LPA: variants seen among roughly 807,000 people sequenced by gnomAD.
LPA encodes lipoprotein(a).
In LPA, 199 loss-of-function variants were observed where a neutral mutation model predicts 197.9. That is an observed-to-expected ratio of 1.01 (90% CI 0.90 to 1.13). The LOEUF is 1.13. LPA is among the 50% of genes most tolerant of loss of function. LPA has a pLI of 0.00. For synonymous variants in LPA, 715 were observed against 639.5 expected (o/e 1.12, Z -1.78); for missense variants, 1,853 against 1,785.8 (o/e 1.04, Z -0.68).
intron 1 of LPA, among the ~76,000 whole-genome samples, chr6:160,663,815 G>A (rs1464807407): frequency 3.3e-5 from 5 of 152,166 alleles, no homozygotes; most frequent in African/African-American, 1.2e-4. Context: ...GAACAGAGAT[G>A]ATATAAATTA....
rs375355500 is a variant in LPA, at chr6:160,599,500, G to A, written c.3287C>T (p.Ala1096Val). 72 of 1,613,452 alleles carry A rather than the reference G, an allele frequency of 4.5e-5. No homozygotes were observed. The African/African-American group carries it at 7.6e-4, about 17-fold the overall frequency. ...HSRTPENYPN[A>V]GLTRNYCRNP... Reference sequence around the variant, plus strand: ...CTTATGGTAAAGAACAAAGACGTACGCATTTGGGTAGTTTTCTGGGGTCCG... The same window carrying A: ...CTTATGGTAAAGAACAAAGACGTACACATTTGGGTAGTTTTCTGGGGTCCG... Residue 1096 changes from alanine (A) to valine (V), a missense_variant and splice_region_variant, in exon 20 of 39, where the codon GCT (alanine) becomes GTT (valine). This residue lies in a region of LPA where 1,737 missense variants were observed against 1,504.4 expected (regional missense o/e 1.15). Coordinates refer to ENST00000316300, the MANE Select transcript of LPA (RefSeq NM_005577.4).
At chr6:160,576,486 G>C (rs1324803962) in intron 28 of LPA, among the ~76,000 whole-genome samples, 1 of 137,758 alleles carries the variant, frequency 7.3e-6, no homozygotes, top group Non-Finnish European at 1.6e-5. Context: ...TTACATACCT[G>C]AATATTTATA....
intron 30 of LPA, 121 bp downstream of exon 30, chr6:160,555,904 T>C (rs1778254827): frequency 9.5e-7 from 1 of 1,057,800 alleles, no homozygotes; most frequent in African/African-American, 1.6e-5. Flanking sequence ...TGTCTGGACA[T>C]TTTGACACAC....
At chr6:160,592,625 G>T (rs1779050939) in intron 22 of LPA, among the ~76,000 whole-genome samples, 2 of 152,206 alleles carry the variant, frequency 1.3e-5, no homozygotes, top group South Asian at 2.1e-4. Context: ...GCACTCTGGG[G>T]ATGTCATATA....
chr6:160,606,596 C>G lies in LPA; in HGVS notation c.2666G>C (p.Arg889Thr), dbSNP rs765666237. The change falls in exon 17 of 39, where the codon AGG (arginine) becomes ACG (threonine). Residue 889 changes from arginine to threonine, a missense_variant. By Grantham distance (71) the Arg-to-Thr change is moderately conservative. Coordinates refer to ENST00000316300, the MANE Select transcript of LPA (RefSeq NM_005577.4). ...GTACTCCCACCTGACACTGGGATCCCTCGTATAACAATAAGGGGCTGCCAC... is the reference window on the plus strand; with the variant it reads ...GTACTCCCACCTGACACTGGGATCCGTCGTATAACAATAAGGGGCTGCCAC... The part of the protein sequence containing the change: ...DPVAAPYCYT[R>T]DPSVRWEYCN... 2.5e-6 allele frequency: 4 copies of G among 1,613,908 alleles called. No homozygotes were observed. The South Asian group carries it at 3.3e-5, about 13-fold the overall frequency.
chr6:160,600,816 A>T, intron 19 of LPA, 101 bp downstream of exon 19: 1 of 1,340,794 alleles, frequency 7.5e-7, no homozygotes, highest in South Asian at 1.2e-5. Context: ...GAACCAACAC[A>T]CGAGAACCAG....
rs535939764 is a variant in LPA, at chr6:160,635,145, G to C, written c.1053C>G (p.Ser351Arg). 9.4e-6 allele frequency: 14 copies of C among 1,484,894 alleles called. 2 individuals carry two copies. In the African/African-American group the frequency reaches 1.1e-4, roughly 12 times the overall value. The allele number at this position is 1,484,894 out of a possible 1,614,324, so 92.0% of individuals were successfully genotyped here. The change falls in exon 7 of 39, where the codon AGC becomes AGG. Residue 351 changes from serine (S) to arginine (R), a missense_variant. Transcript: ENST00000316300. The part of the protein sequence containing the change: ...VAPPTVTPVP[S>R]LEAPSEQAPT... ...TACCTTGTTCGGAAGGAGCCTCTAG[G>C]CTTGGAACCGGGGTAACAGTCGGAG...
At chr6:160,609,779 G>C (rs190381259) in intron 16 of LPA, among the ~76,000 whole-genome samples, 2 of 151,986 alleles carry the variant, frequency 1.3e-5, no homozygotes, top group East Asian at 1.9e-4. Context: ...GTGTGTTTGT[G>C]TGTGTGTTAG....
chr6:160,660,675 C>A (rs562234395), intron 1 of LPA, among the ~76,000 whole-genome samples: 17 of 152,194 alleles, frequency 1.1e-4, no homozygotes, highest in African/African-American at 4.1e-4. Context: ...TGAATGGTCC[C>A]TCCTTTAGTT....
chr6:160,607,797 C>T (rs1472739529), intron 16 of LPA, among the ~76,000 whole-genome samples: 11 of 152,246 alleles, frequency 7.2e-5, no homozygotes, highest in Admixed American at 1.3e-4. Flanking sequence ...AGCCCAAACT[C>T]GTGACAAATT....
rs1455460373 is a variant in LPA at position 160,546,474 on chromosome 6, A to G, written c.5305-941T>C. ...TTAATATCTTTTATAATAAATGGGTAAATAAAAGTAACGTGTTTCCCTGAG... is the reference window on the plus strand; with the variant it reads ...TTAATATCTTTTATAATAAATGGGTGAATAAAAGTAACGTGTTTCCCTGAG... On this transcript the variant is annotated intron_variant, in intron 32 of 38. Transcript: ENST00000316300. 2.6e-5 allele frequency among the ~76,000 whole-genome samples: 4 copies of G among 152,156 alleles called. No individual in the cohort carries two copies. In the South Asian group the frequency reaches 6.2e-4, roughly 24 times the overall value.
chr6:160,605,355 G>T, intron 17 of LPA, 150 bp from the exon 18 acceptor site: 1 of 998,024 alleles, frequency 1.0e-6, no homozygotes, highest in Non-Finnish European at 1.5e-6. Context: ...TTATTTGTAG[G>T]CAGATGGACT....
rs1017778052 is a variant in LPA at position 160,557,671 on chromosome 6, C to A, written c.4632-100G>T. 1.4e-5 allele frequency: 14 copies of A among 1,021,568 alleles called. No homozygotes were observed. The African/African-American group carries it at 2.1e-4, about 15-fold the overall frequency. 63.3% of individuals were successfully genotyped at this position (1,021,568 alleles called of 1,614,324 possible). A position where few individuals can be genotyped will look rare whatever the true frequency, so the allele number is the denominator to read the frequency against. On this transcript the variant is annotated intron_variant, in intron 28 of 38. Transcript: ENST00000316300. ...GTTATAACAAAGTGTTAAAAAGTGA[C>A]GTTGTAATATTCCCATTTTAGGTAC...
At chr6:160,547,998 C>T (rs1214657723) in intron 31 of LPA, 61 bp from the exon 32 acceptor site, 1 of 1,550,030 alleles carries the variant, frequency 6.5e-7, no homozygotes, top group African/African-American at 1.4e-5. Flanking sequence ...CACATAGACC[C>T]AGGACGATAC....
At chr6:160,652,223 C>T (rs185270366) in intron 1 of LPA, among the ~76,000 whole-genome samples, 1 of 151,024 alleles carries the variant, frequency 6.6e-6, no homozygotes, top group East Asian at 1.9e-4. Context: ...AAACCTCAAG[C>T]AGAATAAATA....
chr6:160,594,726 C>T (rs1163677193), intron 21 of LPA, among the ~76,000 whole-genome samples: 1 of 152,188 alleles, frequency 6.6e-6, no homozygotes, highest in Non-Finnish European at 1.5e-5. Context: ...TACTCTTCTT[C>T]TCAGAGACCA....
chr6:160,601,274 A>G (rs1779237897), intron 18 of LPA, among the ~76,000 whole-genome samples, 176 bp from the exon 19 acceptor site: 1 of 152,194 alleles, frequency 6.6e-6, no homozygotes, highest in Admixed American at 6.5e-5. Flanking sequence ...CACATTTCTC[A>G]TACTTAATAT....
rs1253374545 is a variant in LPA at position 160,591,026 on chromosome 6, G to A, written c.3705C>T (p.Val1235=). ...GTGTCAGGTTGCAGTACTCCCATCT[G>A]ACATTGGGATCCATGGTATAACACC... ...SPWCYTMDPN[V]RWEYCNLTQC... is the part of the protein sequence containing the mutation. The change falls in exon 23 of 39, where the codon GTC becomes GTT. Residue 1235 remains valine, a synonymous_variant. Transcript: ENST00000316300. 1.2e-6 allele frequency: 2 copies of A among 1,613,970 alleles called. No homozygotes were observed. Among genetic ancestry groups the A allele is most frequent in the East Asian group, 4.5e-5 (2 of 44,832 alleles).
Position 160,557,587 on chromosome 6 carries a change from C to G in LPA, c.4632-16G>C. ...GGTCAGGCCACTGCAAATTCCAAAA[C>G]AACACAGGTCACAAGAGGCGGGAAA... On this transcript the variant is annotated splice_polypyrimidine_tract_variant and intron_variant, in intron 28 of 38. Coordinates refer to ENST00000316300, the MANE Select transcript of LPA (RefSeq NM_005577.4). 1.2e-6 allele frequency: 2 copies of G among 1,613,742 alleles called. No individual in the cohort carries two copies. The highest frequency in any genetic ancestry group is 1.7e-6 in the Non-Finnish European group (2 of 1,179,684).
Sources: allele counts gnomAD v4.1 joint callset (sites outside exome capture counted in the v4.1 genomes callset), GRCh38; gene constraint gnomAD v4.1.1; regional missense constraint gnomAD v4.1.1; transcripts MANE v1.5; gene names NCBI Gene and HGNC (gene_info 2026-07-23, HGNC 2026-07-21).